Variants in AP3M2 observed in about 807,000 individuals in gnomAD.
The protein encoded by AP3M2 is adaptor related protein complex 3 subunit mu 2.
AP3M2 carries 28 observed loss-of-function variants against 41.6 expected under a neutral mutation model. That is an observed-to-expected ratio of 0.67 (90% CI 0.50 to 0.92). AP3M2 has a LOEUF of 0.92. AP3M2 is among the 40% of genes least tolerant of loss of function. AP3M2 has a pLI of 0.00. For synonymous variants in AP3M2, 193 were observed against 186.4 expected (o/e 1.04, Z -0.29); for missense variants, 427 against 521.4 (o/e 0.82, Z 1.76).
chr8:42,163,669 G>A (rs1366047636), intron 4 of AP3M2, among the ~76,000 whole-genome samples: 4 of 152,218 alleles, frequency 2.6e-5, no homozygotes, highest in Non-Finnish European at 5.9e-5. Context: ...ACATGTATAT[G>A]AAGTTTGAAA....
intron 6 of AP3M2, 138 bp downstream of exon 6, chr8:42,165,698 C>A: frequency 9.7e-7 from 1 of 1,032,810 alleles, no homozygotes; most frequent in Non-Finnish European, 1.4e-6. Flanking sequence ...ATTGGGTAAC[C>A]TCAGGTGAGT....
intron 6 of AP3M2, 197 bp downstream of exon 6, chr8:42,165,757 A>T (rs953915920): frequency 3.6e-6 from 2 of 548,636 alleles, no homozygotes; most frequent in Non-Finnish European, 6.3e-6. Flanking sequence ...TGAAAATAAT[A>T]AAAGTGCCTT....
chr8:42,158,142 T>C (rs774608290), intron 3 of AP3M2, 30 bp downstream of exon 3: 1 of 1,600,164 alleles, frequency 6.2e-7, no homozygotes, highest in Admixed American at 1.7e-5. Flanking sequence ...TGATAGATAG[T>C]GGCCATCCTA....
rs1804670008 is a variant in AP3M2, at chr8:42,167,383, C to G, written c.1011+12C>G. 1 of 1,612,390 alleles carries G rather than the reference C, an allele frequency of 6.2e-7. No individual in the cohort carries two copies. Among genetic ancestry groups the G allele is most frequent in the Non-Finnish European group, 8.5e-7 (1 of 1,178,644 alleles). ...ACCCAGTCACAAAGGTAGGGATGAG[C>G]AGGACATCTTGAATTGCTGATGTTA... On this transcript the variant is annotated intron_variant, in intron 7 of 8. Transcript: ENST00000396926.
chr8:42,167,665 G>C lies in AP3M2; in HGVS notation c.1012-1G>C. 6.3e-7 allele frequency: 1 copy of C among 1,597,264 alleles called. No individual in the cohort carries two copies. The highest frequency in any genetic ancestry group is 8.5e-7 in the Non-Finnish European group (1 of 1,175,814). On this transcript the variant is annotated splice_acceptor_variant, in intron 7 of 8. Transcript: ENST00000396926. LOFTEE classifies it high-confidence loss of function. The stretch of plus-strand genomic sequence containing the variant: ...CTTCTCCATTTTTATTTTCTTTGAA[G>C]ATGCTGTCTTGGGATGTAGGAAAAA...
intron 3 of AP3M2, 31 bp downstream of exon 3, chr8:42,158,143 G>T: frequency 1.3e-6 from 2 of 1,599,900 alleles, no homozygotes; most frequent in Non-Finnish European, 1.7e-6. Flanking sequence ...GATAGATAGT[G>T]GCCATCCTAC....
chr8:42,157,793 A>G (rs1185358018), intron 2 of AP3M2, 148 bp from the exon 3 acceptor site: 10 of 663,000 alleles, frequency 1.5e-5, no homozygotes, highest in Admixed American at 1.2e-4. Flanking sequence ...TAAGAGAACT[A>G]TGGTTATGCT....
At chr8:42,154,520 C>A in intron 1 of AP3M2, 96 bp from the exon 2 acceptor site, 1 of 930,010 alleles carries the variant, frequency 1.1e-6, no homozygotes, top group Non-Finnish European at 1.6e-6. Context: ...AAGATTGGGC[C>A]TGGTCTTGAA....
chr8:42,165,499 C>T lies in AP3M2; in HGVS notation c.742C>T (p.Leu248Phe). 1 of 1,614,182 alleles carries T rather than the reference C, an allele frequency of 6.2e-7. No homozygotes were observed. The highest frequency in any genetic ancestry group is 8.5e-7 in the Non-Finnish European group (1 of 1,180,014). ...RFKRWESERI[L>F]SFIPPDGNFR... Reference sequence around the variant, plus strand: ...CAAACGCTGGGAATCTGAGCGCATCCTCTCCTTCATCCCTCCTGATGGAAA... The same window carrying T: ...CAAACGCTGGGAATCTGAGCGCATCTTCTCCTTCATCCCTCCTGATGGAAA... Residue 248 changes from leucine (L) to phenylalanine (F), a missense_variant, in exon 6 of 9, where the codon CTC (leucine) becomes TTC (phenylalanine). Physicochemically the swap from Leu to Phe is conservative, Grantham distance 22 (BLOSUM62 0). This residue lies in a region of AP3M2 where 237 missense variants were observed against 284.9 expected (regional missense o/e 0.83). Coordinates refer to ENST00000396926, the MANE Select transcript of AP3M2 (RefSeq NM_006803.4).
At chr8:42,161,041 A>G (rs1804491934) in intron 3 of AP3M2, among the ~76,000 whole-genome samples, 1 of 152,228 alleles carries the variant, frequency 6.6e-6, no homozygotes, top group Admixed American at 6.5e-5. Flanking sequence ...ATATTGGCTC[A>G]TGCCTGTATC....
chr8:42,168,922 A>G (rs778329422), intron 8 of AP3M2, 39 bp from the exon 9 acceptor site: 16 of 1,480,890 alleles, frequency 1.1e-5, no homozygotes, highest in Non-Finnish European at 1.5e-5. Context: ...CCTTTTGAAT[A>G]ATACTCATGT....
Position 42,168,948 on chromosome 8 carries a change from C to T in AP3M2, c.1157-13C>T, listed in dbSNP as rs776392028. The T allele has an allele frequency of 1.8e-5, 29 of 1,582,358 alleles. No individual in the cohort carries two copies. Among genetic ancestry groups the T allele is most frequent in the Non-Finnish European group, 2.3e-5 (27 of 1,161,798 alleles). The stretch of plus-strand genomic sequence containing the variant: ...ATACTCATGTCTATTTTCCCTCTCT[C>T]CCTCCTTTCTAGGACTCAAGGTGAA... On this transcript the variant is annotated splice_polypyrimidine_tract_variant and intron_variant, in intron 8 of 8. Coordinates refer to ENST00000396926, the MANE Select transcript of AP3M2 (RefSeq NM_006803.4).
chr8:42,159,253 AAGT>A (rs1158823140), intron 3 of AP3M2, among the ~76,000 whole-genome samples: 4 of 152,206 alleles, frequency 2.6e-5, no homozygotes, highest in African/African-American at 9.7e-5. Context: ...GATTTCTTTA[AAGT>A]AGTAGAGGTA....
chr8:42,154,526 T>C (rs1804301724), intron 1 of AP3M2, 90 bp from the exon 2 acceptor site: 1 of 1,046,416 alleles, frequency 9.6e-7, no homozygotes, highest in Non-Finnish European at 1.3e-6. Context: ...GGGCCTGGTC[T>C]TGAAAGATGG....
chr8:42,158,166 T>G (rs1408192015), intron 3 of AP3M2, 54 bp downstream of exon 3: 8 of 1,565,324 alleles, frequency 5.1e-6, no homozygotes, highest in Non-Finnish European at 6.1e-6. Flanking sequence ...CCTGAGTGGC[T>G]TAGTCGAGTG....
intron 2 of AP3M2, among the ~76,000 whole-genome samples, chr8:42,157,585 A>G (rs913130278): frequency 3.3e-5 from 5 of 152,138 alleles, no homozygotes; most frequent in African/African-American, 9.7e-5. Flanking sequence ...GTTCTTTGTT[A>G]TATCAAGTAT....
In AP3M2 at chr8:42,157,963, A is replaced by G. The variant is rs974063803; in HGVS notation, c.296A>G (p.Glu99Gly). 3.1e-6 allele frequency: 5 copies of G among 1,613,932 alleles called. No homozygotes were observed. In the African/African-American group the frequency reaches 6.7e-5, roughly 22 times the overall value. The change falls in exon 3 of 9, where the codon GAG becomes GGG. Residue 99 changes from glutamate (E) to glycine (G), a missense_variant. Physicochemically the swap from Glu to Gly is moderately conservative, Grantham distance 98. Coordinates refer to ENST00000396926, the MANE Select transcript of AP3M2 (RefSeq NM_006803.4). The stretch of plus-strand genomic sequence containing the variant: ...CAGGATTATTTTGGAGTCTGTTCAG[A>G]GCCAGTGATCAAAGACAATGTAGTT... ...TFQDYFGVCS[E>G]PVIKDNVVVV...
chr8:42,162,575 G>A (rs541705779), intron 4 of AP3M2, among the ~76,000 whole-genome samples, 157 bp downstream of exon 4: 5 of 152,214 alleles, frequency 3.3e-5, no homozygotes, highest in East Asian at 1.9e-4. Context: ...GGGAATGGAC[G>A]TTAATATTAT....
chr8:42,154,748 A>T lies in AP3M2; in HGVS notation c.61A>T (p.Lys21Ter). 1 of 1,614,150 alleles carries T rather than the reference A, an allele frequency of 6.2e-7. No individual in the cohort carries two copies. The highest frequency in any genetic ancestry group is 8.5e-7 in the Non-Finnish European group (1 of 1,180,018). Residue 21 changes from lysine to a stop codon, truncating the protein, a stop_gained, in exon 2 of 9, where the codon AAA becomes TAA. Transcript: ENST00000396926. LOFTEE classifies it high-confidence loss of function. ...SGDIFLEKHW[K>*]SVVSRSVCDY... The stretch of plus-strand genomic sequence containing the variant: ...AGACATTTTCCTGGAGAAACATTGG[A>T]AAAGTGTGGTCAGCCGTTCTGTTTG...
Sources: allele counts gnomAD v4.1 joint callset (sites outside exome capture counted in the v4.1 genomes callset), GRCh38; gene constraint gnomAD v4.1.1; regional missense constraint gnomAD v4.1.1; transcripts MANE v1.5; gene names NCBI Gene and HGNC (gene_info 2026-07-23, HGNC 2026-07-21).